SPAG9: variants seen among roughly 807,000 people sequenced by gnomAD.
SPAG9 encodes sperm associated antigen 9.
Under a neutral mutation model 166.5 loss-of-function variants are expected in SPAG9, and 35 were observed. The ratio of observed to expected loss-of-function variants is 0.21; its 90% confidence interval spans 0.16 to 0.28. SPAG9 has a LOEUF of 0.28. Ranked by LOEUF, SPAG9 falls within the 10% of genes least tolerant of loss-of-function variation. The pLI, the probability that SPAG9 is intolerant of heterozygous loss-of-function variation, is 1.00. For synonymous variants in SPAG9, 534 were observed against 565.5 expected, an observed-to-expected ratio of 0.94 and a Z score of 0.79; for missense variants, 1,235 against 1,603.3, an observed-to-expected ratio of 0.77 and a Z score of 3.92.
chr17:50,990,031 A>ATTTTTT, intron 20 of SPAG9, 159 bp from the exon 21 acceptor site: 1 of 596,760 alleles, frequency 1.7e-6, no homozygotes, highest in Non-Finnish European at 2.9e-6. Flanking sequence ...TCATTACAGC[A>ATTTTTT]TTTTTTTTTT....
At chr17:51,001,061 G>A (rs1284414216) in intron 13 of SPAG9, among the ~76,000 whole-genome samples, 2 of 152,148 alleles carry the variant, frequency 1.3e-5, no homozygotes, top group African/African-American at 4.8e-5. Context: ...AGTAAAAGTT[G>A]GCAATTAGAG....
intron 5 of SPAG9, among the ~76,000 whole-genome samples, chr17:51,032,657 C>T (rs528014594): frequency 6.6e-6 from 1 of 152,116 alleles, no homozygotes; most frequent in East Asian, 1.9e-4. Context: ...CAGATTAGGC[C>T]GGCCGCAGTG....
chr17:50,980,192 A>AT (rs1309526556), intron 25 of SPAG9, among the ~76,000 whole-genome samples: 1 of 151,802 alleles, frequency 6.6e-6, no homozygotes, highest in South Asian at 2.1e-4. Flanking sequence ...CAACAGAAAG[A>AT]TTTTTTTTAT....
At chr17:51,061,610 T>TC (rs1555652132) in intron 2 of SPAG9, among the ~76,000 whole-genome samples, 994 of 60,504 alleles carry the variant, frequency 0.016, 84 homozygotes, top group Admixed American at 0.019. Flanking sequence ...AAGCTCTGTC[T>TC]CCAAAAAAAA....
chr17:51,015,004 G>A (rs2045638942), intron 8 of SPAG9, among the ~76,000 whole-genome samples: 1 of 151,954 alleles, frequency 6.6e-6, no homozygotes, highest in South Asian at 2.1e-4. Context: ...GCTAAATATG[G>A]TGGAGAGAAC....
chr17:51,073,876 G>T (rs1282906502), intron 2 of SPAG9, among the ~76,000 whole-genome samples: 1 of 152,186 alleles, frequency 6.6e-6, no homozygotes, highest in African/African-American at 2.4e-5. Flanking sequence ...GCCGAGGTGG[G>T]CGGACCACAA....
At chr17:51,118,552 G>C (rs1009064553) in intron 1 of SPAG9, among the ~76,000 whole-genome samples, 8 of 152,182 alleles carry the variant, frequency 5.3e-5, no homozygotes, top group Non-Finnish European at 1.2e-4. Context: ...TGTCACCTGT[G>C]TGTACATGTG....
At chr17:51,117,504 G>T (rs1467695756) in intron 1 of SPAG9, among the ~76,000 whole-genome samples, 2 of 152,030 alleles carry the variant, frequency 1.3e-5, no homozygotes, top group Non-Finnish European at 2.9e-5. Flanking sequence ...GAGGTCAGGA[G>T]ATTGAGACTA....
At chr17:51,045,362 T>C (rs1454701059) in intron 4 of SPAG9, among the ~76,000 whole-genome samples, 3 of 152,162 alleles carry the variant, frequency 2.0e-5, no homozygotes, top group African/African-American at 4.8e-5. Context: ...CGTACACAAA[T>C]ATTTTATGTA....
chr17:51,010,876 A>C lies in SPAG9; in HGVS notation c.1213+3356T>G, dbSNP rs566461371. On this transcript the variant is annotated intron_variant, in intron 9 of 29. Coordinates refer to ENST00000262013, the MANE Select transcript of SPAG9 (RefSeq NM_001130528.3). ...GGCTCTAGAAAAAGATCTGAGATGG[A>C]GGTAAAAACTTGGGAGTAATTAGCC... is the stretch of plus-strand genomic sequence containing the variant. Among the ~76,000 whole-genome samples the C allele has an allele frequency of 4.6e-5, 7 of 152,248 alleles. No individual in the cohort carries two copies. The East Asian group carries it at 1.3e-3, about 29-fold the overall frequency.
In SPAG9 at chr17:50,963,712, G is replaced by A. The variant is rs2143499337; in HGVS notation, c.*2560C>T. 1 of 152,308 alleles carries A rather than the reference G, an allele frequency of 6.6e-6. No homozygotes were observed. The highest frequency in any genetic ancestry group is 2.4e-5 in the African/African-American group (1 of 41,574). 9.4% of individuals were successfully genotyped at this position (152,308 alleles called of 1,614,324 possible). A position where few individuals can be genotyped will look rare whatever the true frequency, so the allele number is the denominator to read the frequency against. ...AACAGCAAATGGGATCTGACTCTGG[G>A]ATGTTTACTTCTTGGGATTAAAATT... On this transcript the variant is annotated 3_prime_UTR_variant, in exon 30 of 30. Transcript: ENST00000262013.
chr17:51,068,281 C>A (rs992228392), intron 2 of SPAG9, among the ~76,000 whole-genome samples: 2 of 152,156 alleles, frequency 1.3e-5, no homozygotes, highest in African/African-American at 4.8e-5. Context: ...CTCTCCTCAC[C>A]AACTAAGTCC....
At chr17:51,093,066 C>G (rs1185038919) in intron 1 of SPAG9, among the ~76,000 whole-genome samples, 1 of 128,170 alleles carries the variant, frequency 7.8e-6, no homozygotes, top group Non-Finnish European at 1.6e-5. Flanking sequence ...TTAGATATTT[C>G]TGTAAAAAAA....
At chr17:50,994,925 A>G in intron 18 of SPAG9, 132 bp downstream of exon 18, 1 of 620,990 alleles carries the variant, frequency 1.6e-6, no homozygotes. Context: ...ATTGATTTTA[A>G]AAGGGTGCTG....
Position 50,962,249 on chromosome 17 carries a change from A to C in SPAG9, c.*4023T>G, listed in dbSNP as rs904021235. 1 of 152,226 alleles carries C rather than the reference A, an allele frequency of 6.6e-6. No individual in the cohort carries two copies. The highest frequency in any genetic ancestry group is 1.5e-5 in the Non-Finnish European group (1 of 68,024). The allele number at this position is 152,226 out of a possible 1,614,324, so 9.4% of individuals were successfully genotyped here. On this transcript the variant is annotated 3_prime_UTR_variant, in exon 30 of 30. Transcript: ENST00000262013. The stretch of plus-strand genomic sequence containing the variant: ...TGAACCCCAGGGATTCCATAATAGA[A>C]ATAAATACTGAAATAACTACATTGC...
intron 8 of SPAG9, among the ~76,000 whole-genome samples, chr17:51,019,054 G>A (rs572677259): frequency 1.3e-5 from 2 of 152,070 alleles, no homozygotes; most frequent in African/African-American, 4.8e-5. Context: ...ACAGGATTGG[G>A]GTCCTTATAG....
At chr17:51,054,364 C>G (rs936049580) in intron 3 of SPAG9, among the ~76,000 whole-genome samples, 1 of 151,716 alleles carries the variant, frequency 6.6e-6, no homozygotes, top group Non-Finnish European at 1.5e-5. Context: ...CTTAAGTGAT[C>G]CGCTCACCTT....
intron 3 of SPAG9, among the ~76,000 whole-genome samples, chr17:51,050,935 A>G (rs2047161731): frequency 6.6e-6 from 1 of 151,808 alleles, no homozygotes; most frequent in South Asian, 2.1e-4. Flanking sequence ...CTGAAGAGAG[A>G]GAGAAAAAGA....
intron 2 of SPAG9, among the ~76,000 whole-genome samples, chr17:51,069,155 C>G (rs1336376877): frequency 6.6e-6 from 1 of 151,764 alleles, no homozygotes; most frequent in African/African-American, 2.4e-5. Flanking sequence ...AGATATAATT[C>G]AAACTCCTAA....
Sources: allele counts gnomAD v4.1 joint callset (sites outside exome capture counted in the v4.1 genomes callset), GRCh38; gene constraint gnomAD v4.1.1; transcripts MANE v1.5; gene names NCBI Gene and HGNC (gene_info 2026-07-23, HGNC 2026-07-21).